Variants in WDFY3 observed in about 807,000 individuals in gnomAD.
WDFY3 encodes the protein WD repeat and FYVE domain containing 3, also known as WD repeat and FYVE domain-containing protein 3.
WDFY3 carries 66 observed loss-of-function variants against 409.6 expected under a neutral mutation model. The ratio of observed to expected loss-of-function variants is 0.16; its 90% CI spans 0.13 to 0.20. The LOEUF is 0.20. WDFY3 is among the 10% of genes least tolerant of loss of function. The pLI is 1.00. For missense variants in WDFY3, 3,031 were observed against 4,298.1 expected, an observed-to-expected ratio of 0.71 and a Z score of 8.24; for synonymous variants, 1,521 against 1,537.1, an observed-to-expected ratio of 0.99 and a Z score of 0.25.
In WDFY3 at chr4:84,859,998, AAAC is replaced by A. The variant is rs1578855130; in HGVS notation, c.180+411_180+413del. Among the ~76,000 whole-genome samples, 3 of 152,378 alleles carry A rather than the reference AAAC, an allele frequency of 2.0e-5. No homozygotes were observed. In the East Asian group the frequency reaches 5.8e-4, roughly 29 times the overall value. Reference sequence around the variant, plus strand: ...TAACTATCCTCTTACAGCATCTCTTAAACAACAGCAAATTGTAATGACTTTTTA... The same window carrying A: ...TAACTATCCTCTTACAGCATCTCTTAAACAGCAAATTGTAATGACTTTTTA... On this transcript the variant is annotated intron_variant, in intron 4 of 67. Coordinates refer to ENST00000295888, the MANE Select transcript of WDFY3 (RefSeq NM_014991.6).
At chr4:84,760,036 G>A (rs1347018048) in intron 32 of WDFY3, among the ~76,000 whole-genome samples, 5 of 151,792 alleles carry the variant, frequency 3.3e-5, no homozygotes, top group Non-Finnish European at 7.4e-5. Context: ...TTTGTCAAAG[G>A]CTTTTTCTGC....
intron 17 of WDFY3, among the ~76,000 whole-genome samples, chr4:84,801,190 T>A (rs1467543257): frequency 6.6e-6 from 1 of 152,190 alleles, no homozygotes. Context: ...CATACCAATA[T>A]CAATTTCTTG....
intron 8 of WDFY3, among the ~76,000 whole-genome samples, chr4:84,831,165 C>T (rs1406812746): frequency 3.8e-5 from 5 of 131,830 alleles, no homozygotes; most frequent in Non-Finnish European, 7.8e-5. Context: ...CCAGCCTGGG[C>T]GACAGAGTGA....
At chr4:84,709,054 T>C (rs1402372626) in intron 52 of WDFY3, 26 bp from the exon 53 acceptor site, 6 of 1,612,480 alleles carry the variant, frequency 3.7e-6, no homozygotes, top group Non-Finnish European at 5.1e-6. Context: ...TATTCATTTT[T>C]GAGCTATCGA....
chr4:84,814,563 C>T (rs571741317), intron 13 of WDFY3, among the ~76,000 whole-genome samples: 2 of 152,172 alleles, frequency 1.3e-5, no homozygotes, highest in South Asian at 4.2e-4. Flanking sequence ...TGACTCATCC[C>T]TGTGTCCAGT....
intron 32 of WDFY3, among the ~76,000 whole-genome samples, chr4:84,758,393 A>G (rs1741826738): frequency 6.6e-6 from 1 of 152,070 alleles, no homozygotes; most frequent in Non-Finnish European, 1.5e-5. Flanking sequence ...CTACAGGCAC[A>G]TGCAACCATG....
intron 5 of WDFY3, among the ~76,000 whole-genome samples, chr4:84,848,573 C>A (rs1758438326): frequency 6.6e-6 from 1 of 152,194 alleles, no homozygotes; most frequent in African/African-American, 2.4e-5. Context: ...CTAAGAGGAC[C>A]TCCTGGATTA....
At chr4:84,763,050 TA>T (rs933267065) in intron 32 of WDFY3, among the ~76,000 whole-genome samples, 2 of 151,084 alleles carry the variant, frequency 1.3e-5, no homozygotes, top group Non-Finnish European at 2.9e-5. Context: ...TTGCAAGTCC[TA>T]AAAAAAAACC....
chr4:84,716,774 G>T, intron 49 of WDFY3, 122 bp downstream of exon 49: 1 of 812,532 alleles, frequency 1.2e-6, no homozygotes, highest in Non-Finnish European at 1.6e-6. Context: ...ACTCCAGCCT[G>T]GGCGACAGAG....
intron 2 of WDFY3, among the ~76,000 whole-genome samples, chr4:84,926,929 T>C (rs150141504): frequency 6.6e-6 from 1 of 152,224 alleles, no homozygotes; most frequent in African/African-American, 2.4e-5. Flanking sequence ...CAAAAGAAAG[T>C]CTTAAATTTT....
At chr4:84,840,873 G>T (rs1463331195) in intron 6 of WDFY3, among the ~76,000 whole-genome samples, 1 of 151,864 alleles carries the variant, frequency 6.6e-6, no homozygotes, top group Non-Finnish European at 1.5e-5. Flanking sequence ...GAGCCTCTGA[G>T]CCCAGCCACA....
chr4:84,748,503 A>C (rs1313714613), intron 36 of WDFY3, among the ~76,000 whole-genome samples: 3 of 152,280 alleles, frequency 2.0e-5, no homozygotes, highest in African/African-American at 7.2e-5. Context: ...CATTCTCTAG[A>C]GAATGAATTT....
At chr4:84,849,624 G>T in intron 5 of WDFY3, 1 of 198,444 alleles carries the variant, frequency 5.0e-6, no homozygotes. Context: ...ATTTCATGCT[G>T]AGGAATTTGT....
chr4:84,861,871 C>A (rs1229251907), intron 3 of WDFY3, among the ~76,000 whole-genome samples: 1 of 152,054 alleles, frequency 6.6e-6, no homozygotes, highest in Non-Finnish European at 1.5e-5. Flanking sequence ...TAAGTGTAGA[C>A]ACAAAAACAG....
At chr4:84,829,308 T>C (rs1288142008) in intron 8 of WDFY3, 118 bp from the exon 9 acceptor site, 6 of 829,556 alleles carry the variant, frequency 7.2e-6, no homozygotes, top group Non-Finnish European at 1.1e-5. Context: ...TAAAATACTA[T>C]GAGATAAATG....
At chr4:84,752,530 C>CAAAA (rs745752478) in intron 35 of WDFY3, among the ~76,000 whole-genome samples, 1 of 68,762 alleles carries the variant, frequency 1.5e-5, no homozygotes. Context: ...AACCCCGTCT[C>CAAAA]AAAAAAAAAA....
At chr4:84,756,586 C>CAAATAAAATA (rs143555953) in intron 33 of WDFY3, among the ~76,000 whole-genome samples, 4,704 of 128,972 alleles carry the variant, frequency 0.036, 132 homozygotes, top group Middle Eastern at 0.05. Flanking sequence ...CTCTGTCTCA[C>CAAATAAAATA]AAATAAAATA....
chr4:84,917,196 TTTTTCTATAAACTTCAG>T (rs1768618520), intron 2 of WDFY3, among the ~76,000 whole-genome samples: 1 of 152,152 alleles, frequency 6.6e-6, no homozygotes, highest in South Asian at 2.1e-4. Flanking sequence ...CCTATTATCT[TTTTTCTATAAACTTCAG>T]TTTCATGGAA....
In WDFY3 at chr4:84,796,644, C is replaced by T; in HGVS notation, c.3044G>A (p.Ser1015Asn). The T allele has an allele frequency of 6.2e-7, 1 of 1,614,140 alleles. No homozygotes were observed. The highest frequency in any genetic ancestry group is 8.5e-7 in the Non-Finnish European group (1 of 1,180,014). ...SKSLVKSAEG[S>N]TVPLTRVKCL... Reference sequence around the variant, plus strand: ...CTTCACCCTGGTCAGGGGTACAGTACTTCCTTCCGCAGATTTTACCAGGCT... The same window carrying T: ...CTTCACCCTGGTCAGGGGTACAGTATTTCCTTCCGCAGATTTTACCAGGCT... Residue 1015 changes from serine (S) to asparagine (N), a missense_variant, in exon 19 of 68, where the codon AGT becomes AAT. By Grantham distance (46) the Ser-to-Asn change is conservative. This residue lies in a region of WDFY3 where 1,322 missense variants were observed against 1,697.9 expected (regional missense o/e 0.78). Coordinates refer to ENST00000295888, the MANE Select transcript of WDFY3 (RefSeq NM_014991.6).
Sources: gnomAD v4.1 joint callset for allele counts (sites outside exome capture counted in the v4.1 genomes callset) on GRCh38, gnomAD v4.1.1 for gene constraint, gnomAD v4.1.1 regional missense constraint, MANE v1.5 for transcripts, NCBI Gene and HGNC (gene_info 2026-07-23, HGNC 2026-07-21) for gene names.